The following DIAPH3 variants were observed in gnomAD, a reference collection of about 807,000 sequenced individuals.
DIAPH3 encodes protein diaphanous homolog 3.
A neutral mutation model predicts 144.3 loss-of-function variants in DIAPH3; 117 were observed. The ratio of observed to expected loss-of-function variants is 0.81; its 90% CI spans 0.70 to 0.95. The LOEUF is 0.95. Ranked by LOEUF, DIAPH3 falls within the 40% of genes least tolerant of loss-of-function variation. DIAPH3 has a pLI of 0.00. For missense variants in DIAPH3, 1,421 were observed against 1,412.7 expected (o/e 1.01, Z -0.09); for synonymous variants, 519 against 488.9 (o/e 1.06, Z -0.81).
At chr13:59,730,655 A>T (rs1302758878) in intron 27 of DIAPH3, among the ~76,000 whole-genome samples, 1 of 152,202 alleles carries the variant, frequency 6.6e-6, no homozygotes, top group East Asian at 1.9e-4. Flanking sequence ...TGAGAATGTG[A>T]GTTCTGGAAC....
intron 27 of DIAPH3, among the ~76,000 whole-genome samples, chr13:59,768,918 A>G (rs926894707): frequency 6.6e-6 from 1 of 152,186 alleles, no homozygotes; most frequent in African/African-American, 2.4e-5. Flanking sequence ...TTGTTTGCCT[A>G]AAATTTTGAT....
rs117924636 is a variant in DIAPH3, at chr13:59,759,163, A to G, written c.3319+15026T>C. ...TTTGAAAGAAAAATACCTTTTTCACATGATTAAAGAAGACCTTAGTGCAAA... is the reference window on the plus strand; with the variant it reads ...TTTGAAAGAAAAATACCTTTTTCACGTGATTAAAGAAGACCTTAGTGCAAA... On this transcript the variant is annotated intron_variant, in intron 27 of 27. Coordinates refer to ENST00000400324, the MANE Select transcript of DIAPH3 (RefSeq NM_001042517.2). Among the ~76,000 whole-genome samples the G allele has an allele frequency of 8.3e-3, 1,256 of 152,208 alleles. 6 individuals carry two copies. Among genetic ancestry groups the G allele is most frequent in the Non-Finnish European group, 0.012 (820 of 68,000 alleles).
chr13:59,817,642 T>C (rs556249397), intron 24 of DIAPH3, among the ~76,000 whole-genome samples: 1 of 152,082 alleles, frequency 6.6e-6, no homozygotes, highest in East Asian at 1.9e-4. Context: ...TTTATTGTGA[T>C]TTATAAAATG....
chr13:59,873,842 T>C (rs2044437803), intron 21 of DIAPH3, among the ~76,000 whole-genome samples: 1 of 151,820 alleles, frequency 6.6e-6, no homozygotes, highest in Admixed American at 6.6e-5. Context: ...CAGATAAGTT[T>C]TGTAGTTTTA....
intron 25 of DIAPH3, among the ~76,000 whole-genome samples, chr13:59,790,161 G>A (rs751229687): frequency 1.4e-4 from 22 of 152,144 alleles, no homozygotes; most frequent in Non-Finnish European, 2.6e-4. Flanking sequence ...CCTGTATGAC[G>A]AATGTTACAC....
intron 5 of DIAPH3, among the ~76,000 whole-genome samples, chr13:60,020,370 A>G (rs2053932646): frequency 6.6e-6 from 1 of 152,152 alleles, no homozygotes; most frequent in Non-Finnish European, 1.5e-5. Flanking sequence ...ATACTGAATC[A>G]AAGATAATAA....
chr13:59,700,497 T>C (rs2034047750), intron 27 of DIAPH3, among the ~76,000 whole-genome samples: 1 of 152,228 alleles, frequency 6.6e-6, no homozygotes, highest in South Asian at 2.1e-4. Context: ...ACGTACTTTC[T>C]TTCATTTCCC....
chr13:59,927,454 C>G (rs1212675207), intron 17 of DIAPH3, among the ~76,000 whole-genome samples: 3 of 152,112 alleles, frequency 2.0e-5, no homozygotes, highest in Admixed American at 6.5e-5. Context: ...ACAATATTTG[C>G]ATCCTTTCTC....
intron 2 of DIAPH3, among the ~76,000 whole-genome samples, chr13:60,117,786 C>T (rs1041442702): frequency 1.3e-5 from 2 of 152,110 alleles, no homozygotes; most frequent in African/African-American, 4.8e-5. Flanking sequence ...AAAAATATGA[C>T]AGGAATCCCC....
At chr13:60,054,063 G>C (rs2056464995) in intron 4 of DIAPH3, among the ~76,000 whole-genome samples, 1 of 152,014 alleles carries the variant, frequency 6.6e-6, no homozygotes, top group Non-Finnish European at 1.5e-5. Context: ...ACTGTAGACT[G>C]TTTTCCAACT....
Position 59,879,453 on chromosome 13 carries a change from T to A in DIAPH3, c.2383A>T (p.Arg795Ter). ...ATAGCACTGAGCCGTGGCCGTAGTC[T>A]CTTCACATTGCTCATCTGATTGAAA... ...QFVVVMSNVK[R>*]LRPRLSAILF... The change falls in exon 21 of 28, where the codon AGA becomes TGA. Residue 795 changes from arginine to a stop codon, truncating the protein, a stop_gained. Transcript: ENST00000400324. LOFTEE classifies it high-confidence loss of function. 6.2e-7 allele frequency: 1 copy of A among 1,613,722 alleles called. No individual in the cohort carries two copies. The highest frequency in any genetic ancestry group is 8.5e-7 in the Non-Finnish European group (1 of 1,179,748).
chr13:59,799,323 A>T (rs2039775076), intron 25 of DIAPH3, among the ~76,000 whole-genome samples: 1 of 150,494 alleles, frequency 6.6e-6, no homozygotes, highest in African/African-American at 2.4e-5. Context: ...GAGATCATGG[A>T]AGGGAATTTC....
At chr13:59,785,970 T>C (rs1390393740) in intron 25 of DIAPH3, among the ~76,000 whole-genome samples, 2 of 152,192 alleles carry the variant, frequency 1.3e-5, no homozygotes, top group African/African-American at 2.4e-5. Flanking sequence ...ATCCATCTTA[T>C]ACTTAGGAGT....
chr13:60,137,539 T>A (rs2059316058), intron 1 of DIAPH3, among the ~76,000 whole-genome samples: 1 of 151,740 alleles, frequency 6.6e-6, no homozygotes, highest in Non-Finnish European at 1.5e-5. Flanking sequence ...TCGCAAATTT[T>A]ATGTTTTCTT....
chr13:59,780,229 T>C (rs577207138), intron 25 of DIAPH3, among the ~76,000 whole-genome samples: 2 of 152,280 alleles, frequency 1.3e-5, no homozygotes, highest in East Asian at 3.9e-4. Flanking sequence ...TATGAGTTAC[T>C]GGAGATGTAC....
chr13:59,708,017 A>G (rs1345369139), intron 27 of DIAPH3, among the ~76,000 whole-genome samples: 1 of 150,546 alleles, frequency 6.6e-6, no homozygotes, highest in African/African-American at 2.4e-5. Flanking sequence ...CCTTCCCTTG[A>G]TCCTAATTCC....
intron 4 of DIAPH3, among the ~76,000 whole-genome samples, chr13:60,051,126 CAAG>C (rs1481689299): frequency 6.6e-6 from 1 of 151,318 alleles, no homozygotes; most frequent in Non-Finnish European, 1.5e-5. Context: ...AGAAGAAAAG[CAAG>C]AAGAATGGAC....
intron 24 of DIAPH3, among the ~76,000 whole-genome samples, chr13:59,811,727 ACT>A (rs1350430397): frequency 7.9e-6 from 1 of 127,352 alleles, no homozygotes; most frequent in Non-Finnish European, 1.6e-5. Context: ...ACAGAGCAAG[ACT>A]CTGTCTCAAA....
At chr13:59,739,474 T>C (rs1166315844) in intron 27 of DIAPH3, among the ~76,000 whole-genome samples, 3 of 152,158 alleles carry the variant, frequency 2.0e-5, no homozygotes, top group African/African-American at 7.2e-5. Flanking sequence ...TATTAATGAT[T>C]ACAGCACCGG....
Sources: gnomAD v4.1 joint callset for allele counts (sites outside exome capture counted in the v4.1 genomes callset) on GRCh38, gnomAD v4.1.1 for gene constraint, MANE v1.5 for transcripts, NCBI Gene and HGNC (gene_info 2026-07-23, HGNC 2026-07-21) for gene names.